The following GTF2IRD1 variants were observed in gnomAD, a reference collection of about 807,000 sequenced individuals.
GTF2IRD1 encodes general transcription factor II-I repeat domain-containing protein 1.
A neutral mutation model predicts 113.2 loss-of-function variants in GTF2IRD1; 26 were observed. The observed-to-expected ratio is 0.23, with a 90% CI of 0.17 to 0.32. The LOEUF is 0.32. Ranked by LOEUF, GTF2IRD1 falls within the 10% of genes least tolerant of loss-of-function variation. The pLI is 1.00. For missense variants in GTF2IRD1, 864 were observed against 1,280.8 expected (o/e 0.67, Z 4.97); for synonymous variants, 484 against 529.1 (o/e 0.91, Z 1.17).
rs781808515 is a variant in GTF2IRD1, at chr7:74,508,181, T to C, written c.101T>C (p.Leu34Pro). The change falls in exon 2 of 27, where the codon CTC becomes CCC. Residue 34 changes from leucine to proline, a missense_variant. Leu to Pro is a moderately conservative substitution (Grantham distance 98). Transcript: ENST00000424337. The part of the protein sequence containing the change: ...FTRKDEIITS[L>P]VSALDSMCSA... ...CGCAAAGACGAGATCATCACCAGCC[T>C]CGTGTCTGCCTTAGACTCCATGGTG... 6.2e-7 allele frequency: 1 copy of C among 1,612,906 alleles called. No homozygotes were observed.
intron 2 of GTF2IRD1, among the ~76,000 whole-genome samples, chr7:74,509,324 T>C (rs1796485036): frequency 6.6e-6 from 1 of 151,708 alleles, no homozygotes; most frequent in African/African-American, 2.4e-5. Context: ...ACCACTGCAC[T>C]CCCGCCTGGG....
intron 1 of GTF2IRD1, among the ~76,000 whole-genome samples, chr7:74,497,469 G>A (rs562114857): frequency 6.6e-6 from 1 of 152,216 alleles, no homozygotes; most frequent in Admixed American, 6.5e-5. Flanking sequence ...TTGCCAGGCT[G>A]GTCTCAAACT....
chr7:74,537,021 G>A (rs1798335637), intron 11 of GTF2IRD1, among the ~76,000 whole-genome samples: 3 of 152,142 alleles, frequency 2.0e-5, no homozygotes, highest in Admixed American at 2.0e-4. Context: ...TGAGATGGGA[G>A]GATTGCTTGA....
intron 22 of GTF2IRD1, among the ~76,000 whole-genome samples, chr7:74,561,365 AG>A (rs140207506): frequency 6.8e-5 from 8 of 118,114 alleles, no homozygotes; most frequent in East Asian, 4.7e-4. Flanking sequence ...AAAAAAAAAA[AG>A]AACTTAGGGT....
At chr7:74,540,642 G>A (rs1278404938) in intron 14 of GTF2IRD1, among the ~76,000 whole-genome samples, 10 of 151,308 alleles carry the variant, frequency 6.6e-5, no homozygotes, top group South Asian at 4.2e-4. Flanking sequence ...AGAGATAGAT[G>A]GATAGTACGC....
chr7:74,508,488 G>A (rs1480665959), intron 2 of GTF2IRD1, among the ~76,000 whole-genome samples: 1 of 152,014 alleles, frequency 6.6e-6, no homozygotes. Context: ...TCAGTGGTTC[G>A]AGACTAGCCT....
At chr7:74,476,195 G>A (rs1056150499) in intron 1 of GTF2IRD1, among the ~76,000 whole-genome samples, 1 of 152,096 alleles carries the variant, frequency 6.6e-6, no homozygotes, top group Non-Finnish European at 1.5e-5. Context: ...TGGCGTAGGT[G>A]TGGGCTGGTG....
chr7:74,552,730 C>T (rs1475230674), intron 17 of GTF2IRD1, among the ~76,000 whole-genome samples: 1 of 152,222 alleles, frequency 6.6e-6, no homozygotes, highest in Non-Finnish European at 1.5e-5. Context: ...AATTCAACAG[C>T]AAGTCCTCAT....
intron 8 of GTF2IRD1, among the ~76,000 whole-genome samples, 185 bp from the exon 9 acceptor site, chr7:74,529,549 C>T (rs587595686): frequency 2.6e-4 from 40 of 152,276 alleles, no homozygotes; most frequent in African/African-American, 9.6e-4. Flanking sequence ...AGTCACCGCA[C>T]CCAGCCCAGC....
At chr7:74,485,621 A>G (rs1584496779) in intron 1 of GTF2IRD1, among the ~76,000 whole-genome samples, 1 of 134,966 alleles carries the variant, frequency 7.4e-6, no homozygotes, top group Non-Finnish European at 1.6e-5. Flanking sequence ...CATCTCAAAG[A>G]AAAAAAAAAA....
intron 1 of GTF2IRD1, among the ~76,000 whole-genome samples, chr7:74,488,154 C>T (rs1315643063): frequency 6.6e-6 from 1 of 152,096 alleles, no homozygotes; most frequent in Non-Finnish European, 1.5e-5. Flanking sequence ...TGTGGCGACA[C>T]ACGCTGTGGT....
intron 22 of GTF2IRD1, among the ~76,000 whole-genome samples, chr7:74,586,230 C>G (rs1218564768): frequency 1.3e-5 from 2 of 152,182 alleles, no homozygotes; most frequent in African/African-American, 4.8e-5. Flanking sequence ...GCTCTAGGAG[C>G]TGGTCCTTGG....
At chr7:74,480,275 G>A (rs1794657446) in intron 1 of GTF2IRD1, among the ~76,000 whole-genome samples, 1 of 152,172 alleles carries the variant, frequency 6.6e-6, no homozygotes, top group Non-Finnish European at 1.5e-5. Context: ...GAGTATTGGT[G>A]CCTGTGAGCT....
intron 1 of GTF2IRD1, among the ~76,000 whole-genome samples, chr7:74,474,105 T>A (rs1554333058): frequency 6.7e-6 from 1 of 150,176 alleles, no homozygotes; most frequent in Non-Finnish European, 1.5e-5. Context: ...TAACTGGGCA[T>A]GCTGATGGGC....
intron 1 of GTF2IRD1, among the ~76,000 whole-genome samples, chr7:74,475,150 G>C (rs1258645404): frequency 6.6e-6 from 1 of 152,150 alleles, no homozygotes; most frequent in Non-Finnish European, 1.5e-5. Flanking sequence ...AGCTACTTGG[G>C]AGTCTGAGGC....
At chr7:74,544,565 C>T (rs1798815519) in intron 14 of GTF2IRD1, among the ~76,000 whole-genome samples, 190 bp from the exon 15 acceptor site, 1 of 152,184 alleles carries the variant, frequency 6.6e-6, no homozygotes. Flanking sequence ...TGATCTCAGC[C>T]TGCTTTCGTG....
rs1562820483 is a variant in GTF2IRD1 at position 74,512,749 on chromosome 7, A to T, written c.124-81A>T. 4.3e-6 allele frequency: 6 copies of T among 1,392,886 alleles called. No individual in the cohort carries two copies. Among genetic ancestry groups the T allele is most frequent in the Non-Finnish European group, 5.9e-6 (6 of 1,010,258 alleles). The allele number at this position is 1,392,886 out of a possible 1,614,324, so 86.3% of individuals were successfully genotyped here. A position where few individuals can be genotyped will look rare whatever the true frequency, so the allele number is the denominator to read the frequency against. On this transcript the variant is annotated intron_variant, in intron 2 of 26. Transcript: ENST00000424337. The surrounding 1 kb of genome is among the most constrained non-coding windows in gnomAD (Gnocchi z 4.4). ...TGGGGTCTCAGGCAGCTGGGAGCTC[A>T]CATCCCACCCCCGAAGTGGATACTA...
chr7:74,534,432 T>C (rs1167009666), intron 9 of GTF2IRD1, among the ~76,000 whole-genome samples: 11 of 152,138 alleles, frequency 7.2e-5, no homozygotes, highest in African/African-American at 2.4e-4. Context: ...TGAAACCCCA[T>C]CTCTACTAAA....
intron 2 of GTF2IRD1, among the ~76,000 whole-genome samples, chr7:74,511,502 G>C (rs565998423): frequency 1.3e-5 from 2 of 152,382 alleles, no homozygotes; most frequent in African/African-American, 4.8e-5. Flanking sequence ...CAGTGTTCCC[G>C]CGCAGAAAGG....
Sources: allele counts gnomAD v4.1 joint callset (sites outside exome capture counted in the v4.1 genomes callset), GRCh38; gene constraint gnomAD v4.1.1; non-coding constraint Gnocchi (gnomAD v3.1); transcripts MANE v1.5; gene names NCBI Gene and HGNC (gene_info 2026-07-23, HGNC 2026-07-21).